The following MTHFS variants were observed in gnomAD, a reference collection of about 807,000 sequenced individuals.
MTHFS encodes methenyltetrahydrofolate synthetase, also known as 5-formyltetrahydrofolate cyclo-ligase.
MTHFS carries 7 observed loss-of-function variants against 12.7 expected under a neutral mutation model. That is an observed-to-expected ratio of 0.55 (90% CI 0.31 to 1.03). The LOEUF (loss-of-function observed/expected upper bound fraction) is 1.03. Ranked by LOEUF, MTHFS falls within the 50% of genes least tolerant of loss-of-function variation. MTHFS has a pLI of 0.05. For synonymous variants in MTHFS, 100 were observed against 97.1 expected (o/e 1.03, Z -0.18); for missense variants, 252 against 258.1 (o/e 0.98, Z 0.16).
chr15:79,882,589 C>T (rs2034314483), intron 2 of MTHFS, among the ~76,000 whole-genome samples: 1 of 152,218 alleles, frequency 6.6e-6, no homozygotes, highest in African/African-American at 2.4e-5. Flanking sequence ...CAGTACACTG[C>T]TTCTTTTGCC....
At chr15:79,882,923 T>C (rs2034320867) in intron 2 of MTHFS, among the ~76,000 whole-genome samples, 1 of 152,198 alleles carries the variant, frequency 6.6e-6, no homozygotes. Flanking sequence ...TAAAAAATGT[T>C]GGTTGGGTGC....
chr15:79,863,131 C>A (rs987212812), intron 2 of MTHFS, among the ~76,000 whole-genome samples: 13 of 152,208 alleles, frequency 8.5e-5, no homozygotes, highest in African/African-American at 3.1e-4. Context: ...CCTCAACAGC[C>A]TCAAGTGGCC....
At chr15:79,857,822 C>A (rs1175620781) in intron 2 of MTHFS, among the ~76,000 whole-genome samples, 1 of 151,994 alleles carries the variant, frequency 6.6e-6, no homozygotes, top group East Asian at 1.9e-4. Context: ...CGAGACCAGT[C>A]TGACCAACAC....
At chr15:79,847,080 G>C (rs1376227146) in intron 2 of MTHFS, among the ~76,000 whole-genome samples, 2 of 152,238 alleles carry the variant, frequency 1.3e-5, no homozygotes, top group South Asian at 2.1e-4. Context: ...GACCCCAGCA[G>C]GGGGAGAGCA....
intron 2 of MTHFS, among the ~76,000 whole-genome samples, chr15:79,870,925 C>G (rs2034093140): frequency 6.6e-6 from 1 of 152,094 alleles, no homozygotes; most frequent in Non-Finnish European, 1.5e-5. Context: ...GGCAGATCAC[C>G]TGAACTGAGG....
At chr15:79,855,417 T>C (rs1177498880) in intron 2 of MTHFS, among the ~76,000 whole-genome samples, 1 of 152,136 alleles carries the variant, frequency 6.6e-6, no homozygotes, top group Non-Finnish European at 1.5e-5. Context: ...AGAGAAGACA[T>C]TAGAACTTCC....
chr15:79,853,633 T>C (rs377098360), intron 2 of MTHFS, among the ~76,000 whole-genome samples: 2 of 152,352 alleles, frequency 1.3e-5, no homozygotes, highest in East Asian at 1.9e-4. Context: ...AGAGCTATCA[T>C]GCAGATTTCC....
chr15:79,845,135 T>C lies in MTHFS; in HGVS notation c.*75A>G. 1 of 1,554,574 alleles carries C rather than the reference T, an allele frequency of 6.4e-7. No individual in the cohort carries two copies. Among genetic ancestry groups the C allele is most frequent in the East Asian group, 2.3e-5 (1 of 44,282 alleles). ...TTAATGAACAATTTCAACTAATTTT[T>C]GACAAGGGAAAAATACACATACTTT... On this transcript the variant is annotated 3_prime_UTR_variant, in exon 3 of 3. Transcript: ENST00000258874.
At chr15:79,892,292 G>A (rs560850722) in intron 1 of MTHFS, among the ~76,000 whole-genome samples, 2 of 152,240 alleles carry the variant, frequency 1.3e-5, no homozygotes, top group African/African-American at 2.4e-5. Context: ...CAGTGCAATG[G>A]GCCAGAGGCA....
chr15:79,859,817 C>CA (rs368106807), intron 2 of MTHFS, among the ~76,000 whole-genome samples: 11,674 of 57,478 alleles, frequency 0.2, 938 homozygotes, highest in Non-Finnish European at 0.29. Context: ...GAATACATGT[C>CA]AAAAAAAAAA....
In MTHFS at chr15:79,886,197, A is replaced by G. The variant is rs577024421; in HGVS notation, c.379+2896T>C. Among the ~76,000 whole-genome samples the G allele has an allele frequency of 2.6e-5, 4 of 152,352 alleles. No homozygotes were observed. The East Asian group carries it at 7.7e-4, about 29-fold the overall frequency. ...TAATGTGAGCAAACAAGAAAGATAA[A>G]CAGACAACAAAAGCTACACCAACGA... On this transcript the variant is annotated intron_variant, in intron 2 of 2. Coordinates refer to ENST00000258874, the MANE Select transcript of MTHFS (RefSeq NM_006441.4).
chr15:79,890,983 A>G (rs1267234031), intron 1 of MTHFS, among the ~76,000 whole-genome samples: 2 of 152,200 alleles, frequency 1.3e-5, no homozygotes, highest in African/African-American at 4.8e-5. Context: ...ATCAGTTAAC[A>G]CTCAATGTGA....
At chr15:79,891,439 C>T (rs1291837492) in intron 1 of MTHFS, among the ~76,000 whole-genome samples, 1 of 152,118 alleles carries the variant, frequency 6.6e-6, no homozygotes, top group East Asian at 1.9e-4. Flanking sequence ...AAGAAGATAA[C>T]TGCATTTCTA....
chr15:79,846,380 G>C (rs553992756), intron 2 of MTHFS, among the ~76,000 whole-genome samples: 3 of 152,162 alleles, frequency 2.0e-5, no homozygotes, highest in Non-Finnish European at 4.4e-5. Context: ...GGGTTTCTGG[G>C]TGACCTATAG....
intron 2 of MTHFS, among the ~76,000 whole-genome samples, chr15:79,847,154 T>C (rs1471139274): frequency 2.0e-5 from 3 of 152,146 alleles, no homozygotes; most frequent in Non-Finnish European, 4.4e-5. Context: ...TTAAGATGTG[T>C]CAGAGTTGGG....
Position 79,844,598 on chromosome 15 carries a change from G to A in MTHFS, c.*612C>T, listed in dbSNP as rs2033576410. ...AGATACTAGATCTTAAACTCATCAA[G>A]GGCTGATACATGCAGTGATGGTAAC... is the stretch of plus-strand genomic sequence containing the variant. On this transcript the variant is annotated 3_prime_UTR_variant, in exon 3 of 3. Coordinates refer to ENST00000258874, the MANE Select transcript of MTHFS (RefSeq NM_006441.4). Among the ~76,000 whole-genome samples the A allele has an allele frequency of 6.6e-6, 1 of 151,944 alleles. No homozygotes were observed. The highest frequency in any genetic ancestry group is 2.1e-4 in the South Asian group (1 of 4,822).
chr15:79,876,971 G>C (rs2034208420), intron 2 of MTHFS: 1 of 151,870 alleles, frequency 6.6e-6, no homozygotes. Context: ...TGAACCCAGG[G>C]ACCAGAGGTT....
intron 2 of MTHFS, among the ~76,000 whole-genome samples, chr15:79,861,036 C>T (rs1392999038): frequency 1.3e-5 from 2 of 152,206 alleles, no homozygotes; most frequent in African/African-American, 4.8e-5. Context: ...ACTGAAATCA[C>T]TAGTTCATGT....
intron 2 of MTHFS, among the ~76,000 whole-genome samples, chr15:79,866,613 C>T (rs142490563): frequency 6.0e-4 from 91 of 152,260 alleles, no homozygotes; most frequent in African/African-American, 1.9e-3. Context: ...ACACAGAACA[C>T]GAGGGCAAAC....
Sources: allele counts gnomAD v4.1 joint callset (sites outside exome capture counted in the v4.1 genomes callset), GRCh38; gene constraint gnomAD v4.1.1; transcripts MANE v1.5; gene names NCBI Gene and HGNC (gene_info 2026-07-23, HGNC 2026-07-21).